Variants in GTF2A1L observed in about 807,000 individuals in gnomAD.
The protein encoded by GTF2A1L is TFIIA-alpha and beta-like factor.
In GTF2A1L, 48 loss-of-function variants were observed where a neutral mutation model predicts 49.7. That is an observed-to-expected ratio of 0.97 (90% confidence interval 0.77 to 1.23). GTF2A1L has a LOEUF of 1.23. Ranked by LOEUF, GTF2A1L falls within the 50% of genes most tolerant of loss-of-function variation. The pLI, the probability that GTF2A1L is intolerant of heterozygous loss-of-function variation, is 0.00. For missense variants in GTF2A1L, 736 were observed against 564.8 expected (o/e 1.30, Z -3.07); for synonymous variants, 246 against 193.5 (o/e 1.27, Z -2.25).
chr2:48,657,540 T>G (rs1402571843), intron 6 of GTF2A1L, among the ~76,000 whole-genome samples: 2 of 152,220 alleles, frequency 1.3e-5, no homozygotes, highest in African/African-American at 4.8e-5. Context: ...TCTTTGCTAT[T>G]GTGAATAGTA....
At chr2:48,666,587 GT>G (rs1678856382) in intron 6 of GTF2A1L, among the ~76,000 whole-genome samples, 3 of 132,404 alleles carry the variant, frequency 2.3e-5, no homozygotes, top group African/African-American at 1.2e-4. Context: ...TTGTCAGGGT[GT>G]GTGTGTGTGT....
intron 6 of GTF2A1L, among the ~76,000 whole-genome samples, chr2:48,663,614 T>TG (rs552483954): frequency 6.6e-6 from 1 of 152,280 alleles, no homozygotes; most frequent in Admixed American, 6.5e-5. Context: ...AAACATAAAA[T>TG]GCTATATAAT....
At chr2:48,665,430 G>A (rs1204325104) in intron 6 of GTF2A1L, among the ~76,000 whole-genome samples, 2 of 150,584 alleles carry the variant, frequency 1.3e-5, no homozygotes, top group South Asian at 2.1e-4. Flanking sequence ...GATTTGAGAC[G>A]TACTTATTTT....
Position 48,669,954 on chromosome 2 carries a change from A to G in GTF2A1L, c.1211A>G (p.Glu404Gly). The change falls in exon 7 of 9, where the codon GAA becomes GGA. Residue 404 changes from glutamate to glycine, a missense_variant. By Grantham distance (98) the Glu-to-Gly change is moderately conservative. Coordinates refer to ENST00000403751, the MANE Select transcript of GTF2A1L (RefSeq NM_006872.5). ...EDSATNSSDNEDPQVNIVEED... is the reference protein window; with the variant it reads ...EDSATNSSDNGDPQVNIVEED... The stretch of plus-strand genomic sequence containing the variant: ...TCAGCCACAAACAGTAGTGATAATG[A>G]AGACCCTCAAGTAAACATTGTAGAA... The G allele has an allele frequency of 1.9e-6, 3 of 1,613,950 alleles. No individual in the cohort carries two copies. The highest frequency in any genetic ancestry group is 2.5e-6 in the Non-Finnish European group (3 of 1,179,944).
chr2:48,617,904 G>A lies in GTF2A1L; in HGVS notation c.21+9G>A. ...CCTGCCTCAACCCGGTGGTAAGGAA[G>A]ACCTCAGGCTCTGTGTAGAGGGAGC... On this transcript the variant is annotated intron_variant, in intron 1 of 8. Coordinates refer to ENST00000403751, the MANE Select transcript of GTF2A1L (RefSeq NM_006872.5). 1 of 1,551,808 alleles carries A rather than the reference G, an allele frequency of 6.4e-7. No homozygotes were observed. The highest frequency in any genetic ancestry group is 1.2e-5 in the South Asian group (1 of 84,062).
At chr2:48,655,691 T>G (rs946891231) in intron 6 of GTF2A1L, among the ~76,000 whole-genome samples, 7 of 152,196 alleles carry the variant, frequency 4.6e-5, no homozygotes, top group Non-Finnish European at 7.3e-5. Flanking sequence ...CACATAAAAT[T>G]AACTATTTAT....
chr2:48,639,295 A>C (rs1356776762), intron 3 of GTF2A1L, among the ~76,000 whole-genome samples: 2 of 152,182 alleles, frequency 1.3e-5, no homozygotes, highest in Non-Finnish European at 2.9e-5. Context: ...ACCTGACTTA[A>C]AACTATACTA....
chr2:48,641,997 G>T (rs1677222791), intron 3 of GTF2A1L, among the ~76,000 whole-genome samples: 1 of 152,144 alleles, frequency 6.6e-6, no homozygotes, highest in Non-Finnish European at 1.5e-5. Context: ...TGGAATTTAT[G>T]TTGAACCTAT....
intron 3 of GTF2A1L, among the ~76,000 whole-genome samples, chr2:48,634,507 A>G (rs1026403134): frequency 1.3e-5 from 2 of 152,156 alleles, no homozygotes; most frequent in Non-Finnish European, 2.9e-5. Context: ...TTATAGGCCT[A>G]AGTGTGTTTT....
intron 7 of GTF2A1L, 86 bp downstream of exon 7, chr2:48,670,068 A>C: frequency 6.7e-7 from 1 of 1,496,172 alleles, no homozygotes; most frequent in Non-Finnish European, 8.9e-7. Flanking sequence ...AGGAATAGCA[A>C]GATTAATCTT....
intron 3 of GTF2A1L, among the ~76,000 whole-genome samples, chr2:48,638,257 G>GC (rs1485544120): frequency 6.6e-6 from 1 of 152,120 alleles, no homozygotes; most frequent in Non-Finnish European, 1.5e-5. Flanking sequence ...CGATACCAAA[G>GC]CCTGGGAGAG....
intron 3 of GTF2A1L, among the ~76,000 whole-genome samples, chr2:48,633,732 T>A (rs575467003): frequency 1.3e-5 from 2 of 152,322 alleles, no homozygotes; most frequent in African/African-American, 4.8e-5. Context: ...AGGATTTCAA[T>A]AGGGGGAAGT....
chr2:48,644,630 G>C (rs942547839), intron 4 of GTF2A1L, among the ~76,000 whole-genome samples: 1 of 152,102 alleles, frequency 6.6e-6, no homozygotes, highest in East Asian at 1.9e-4. Context: ...CAAAAGGGTT[G>C]TACCAATATA....
chr2:48,622,431 T>G (rs1223397500), intron 3 of GTF2A1L, among the ~76,000 whole-genome samples: 1 of 152,190 alleles, frequency 6.6e-6, no homozygotes, highest in Admixed American at 6.5e-5. Context: ...TTGGGACATC[T>G]CCTTCTCTGT....
In GTF2A1L at chr2:48,642,473, A is replaced by G; in HGVS notation, c.303+16A>G. ...AGCAGAACTGGTATGTAGCTTACTT[A>G]AAATATATTTTAAAAGACATGTCCC... On this transcript the variant is annotated intron_variant, in intron 4 of 8. Coordinates refer to ENST00000403751, the MANE Select transcript of GTF2A1L (RefSeq NM_006872.5). 6.4e-7 allele frequency: 1 copy of G among 1,565,742 alleles called. No individual in the cohort carries two copies. Among genetic ancestry groups the G allele is most frequent in the Non-Finnish European group, 8.7e-7 (1 of 1,147,386 alleles).
intron 8 of GTF2A1L, 98 bp downstream of exon 8, chr2:48,671,778 C>T: frequency 8.6e-7 from 1 of 1,159,160 alleles, no homozygotes; most frequent in South Asian, 1.7e-5. Flanking sequence ...TTACACTTCA[C>T]AATTAATCAA....
At chr2:48,665,929 T>C (rs1319942464) in intron 6 of GTF2A1L, among the ~76,000 whole-genome samples, 2 of 152,158 alleles carry the variant, frequency 1.3e-5, no homozygotes, top group African/African-American at 4.8e-5. Context: ...ATTTTAGATT[T>C]GTCTATTTTT....
chr2:48,621,050 T>G, intron 2 of GTF2A1L, 98 bp downstream of exon 2: 1 of 1,509,204 alleles, frequency 6.6e-7, no homozygotes. Flanking sequence ...AGTTTAGTAC[T>G]TACCCATTCA....
At chr2:48,670,829 T>C (rs1679127686) in intron 7 of GTF2A1L, among the ~76,000 whole-genome samples, 1 of 152,042 alleles carries the variant, frequency 6.6e-6, no homozygotes. Context: ...GATTTATTTA[T>C]TTATTTATTT....
Sources: allele counts gnomAD v4.1 joint callset (sites outside exome capture counted in the v4.1 genomes callset), GRCh38; gene constraint gnomAD v4.1.1; transcripts MANE v1.5; gene names NCBI Gene and HGNC (gene_info 2026-07-23, HGNC 2026-07-21).